The following MLLT3 variants were observed in gnomAD, a reference collection of about 807,000 sequenced individuals.
MLLT3 encodes MLLT3 super elongation complex subunit.
MLLT3 carries 4 observed loss-of-function variants against 53.2 expected under a neutral mutation model. The ratio of observed to expected loss-of-function variants is 0.08; its 90% CI spans 0.04 to 0.17. MLLT3 has a LOEUF of 0.17. MLLT3 is among the 10% of genes least tolerant of loss of function. The pLI, the probability that MLLT3 is intolerant of heterozygous loss-of-function variation, is 1.00. For synonymous variants in MLLT3, 283 were observed against 230.6 expected, an observed-to-expected ratio of 1.23 and a Z score of -2.06; for missense variants, 569 against 684.0, an observed-to-expected ratio of 0.83 and a Z score of 1.87.
In MLLT3 at chr9:20,555,737, C is replaced by T. The variant is rs534141983; in HGVS notation, c.193+64917G>A. Among the ~76,000 whole-genome samples, 27 of 152,306 alleles carry T rather than the reference C, an allele frequency of 1.8e-4. 1 individual carries two copies. Among genetic ancestry groups the T allele is most frequent in the Non-Finnish European group, 3.1e-4 (21 of 68,020 alleles). ...AGGCACACTGCCCACGATTATAAAA[C>T]CTCCCAGGCAACAAGGAGGAGACCC... On this transcript the variant is annotated intron_variant, in intron 2 of 10. Transcript: ENST00000380338.
At chr9:20,431,213 T>C (rs1175204981) in intron 4 of MLLT3, among the ~76,000 whole-genome samples, 1 of 152,136 alleles carries the variant, frequency 6.6e-6, no homozygotes, top group African/African-American at 2.4e-5. Context: ...TAAGACAGCA[T>C]TTCTCTGAAT....
rs1302543640 is a variant in MLLT3, at chr9:20,620,875, A to G, written c.13-41T>C. The G allele has an allele frequency of 2.4e-5, 39 of 1,602,786 alleles. No homozygotes were observed. Among genetic ancestry groups the G allele is most frequent in the Non-Finnish European group, 3.3e-5 (39 of 1,172,642 alleles). ...GGAGAGACAGCCGTGAATAACAGGA[A>G]GGCGAGGTTTCGGCAGTGAACGTTG... is the stretch of plus-strand genomic sequence containing the variant. On this transcript the variant is annotated intron_variant, in intron 1 of 10. Transcript: ENST00000380338. This position sits in a 1 kb window ranked among gnomAD's most constrained non-coding sequence, Gnocchi z 6.1.
intron 2 of MLLT3, among the ~76,000 whole-genome samples, chr9:20,567,562 G>A (rs1212780213): frequency 2.0e-5 from 3 of 152,008 alleles, no homozygotes; most frequent in African/African-American, 7.2e-5. Context: ...TATCATCACA[G>A]TTCTCCTTTT....
chr9:20,530,367 T>C (rs575897504), intron 2 of MLLT3, among the ~76,000 whole-genome samples: 1 of 152,354 alleles, frequency 6.6e-6, no homozygotes, highest in African/African-American at 2.4e-5. Flanking sequence ...AATCTTTGAT[T>C]TAACATACGT....
intron 2 of MLLT3, among the ~76,000 whole-genome samples, chr9:20,495,067 A>G (rs1211691786): frequency 2.0e-5 from 3 of 152,160 alleles, no homozygotes; most frequent in African/African-American, 7.2e-5. Context: ...TTCCTGCCAA[A>G]CTACAAGCAA....
chr9:20,476,029 A>G (rs1824513027), intron 2 of MLLT3, among the ~76,000 whole-genome samples: 2 of 152,086 alleles, frequency 1.3e-5, no homozygotes, highest in Admixed American at 1.3e-4. Flanking sequence ...AAAAACAGGA[A>G]AATTATTGTC....
At position 20,613,878 on chromosome 9, in the gene MLLT3, T is replaced by A. The variant is rs568531987; in HGVS notation, c.193+6776A>T. Among the ~76,000 whole-genome samples the A allele has an allele frequency of 2.9e-3, 438 of 152,146 alleles. 1 individual carries two copies. The highest frequency in any genetic ancestry group is 4.8e-3 in the Non-Finnish European group (323 of 67,984). ...CTGTATACCTTTTGACTCCACAACC[T>A]CCCTTCTAGAAATTTAACATAAACA... On this transcript the variant is annotated intron_variant, in intron 2 of 10. Coordinates refer to ENST00000380338, the MANE Select transcript of MLLT3 (RefSeq NM_004529.4).
At chr9:20,442,930 A>C (rs1383124043) in intron 4 of MLLT3, among the ~76,000 whole-genome samples, 1 of 152,160 alleles carries the variant, frequency 6.6e-6, no homozygotes, top group Non-Finnish European at 1.5e-5. Context: ...TGTCCTACTG[A>C]AACAGGTGGT....
intron 5 of MLLT3, among the ~76,000 whole-genome samples, chr9:20,400,747 A>C (rs74390148): frequency 4.0e-4 from 61 of 152,186 alleles, no homozygotes; most frequent in African/African-American, 1.2e-3. Context: ...GAAAAAAAAA[A>C]CATGTTAAAG....
intron 2 of MLLT3, among the ~76,000 whole-genome samples, chr9:20,592,733 A>G (rs112893269): frequency 0.022 from 3,327 of 152,276 alleles, 45 homozygotes; most frequent in Non-Finnish European, 0.032. Flanking sequence ...AATACTCACA[A>G]GCAAAGAGAA....
chr9:20,470,560 A>G (rs560450626), intron 2 of MLLT3, among the ~76,000 whole-genome samples: 7 of 152,168 alleles, frequency 4.6e-5, no homozygotes, highest in African/African-American at 1.7e-4. Context: ...AATCAACCAG[A>G]AAGACTACCA....
intron 2 of MLLT3, among the ~76,000 whole-genome samples, chr9:20,542,396 G>A (rs923103221): frequency 2.0e-5 from 3 of 152,052 alleles, no homozygotes; most frequent in Middle Eastern, 3.4e-3. Context: ...GACTACAGGC[G>A]CCCGCCACCG....
chr9:20,405,937 T>C (rs142310507), intron 5 of MLLT3, among the ~76,000 whole-genome samples: 2,186 of 151,582 alleles, frequency 0.014, 49 homozygotes, highest in African/African-American at 0.049. Context: ...CATGGTGAAA[T>C]CCCGCCTCTA....
intron 4 of MLLT3, among the ~76,000 whole-genome samples, chr9:20,433,510 A>C (rs1823329449): frequency 6.6e-6 from 1 of 152,184 alleles, no homozygotes; most frequent in Non-Finnish European, 1.5e-5. Context: ...AGAAGCCTGG[A>C]GGATGCCATT....
At chr9:20,354,233 G>C (rs1024495697) in intron 9 of MLLT3, among the ~76,000 whole-genome samples, 10 of 152,256 alleles carry the variant, frequency 6.6e-5, no homozygotes, top group East Asian at 1.9e-4. Flanking sequence ...TGAAAGGGGA[G>C]AGGGGGTACC....
rs144076333 is a variant in MLLT3, at chr9:20,371,917, T to C, written c.1126-6173A>G. 2.7e-3 allele frequency among the ~76,000 whole-genome samples: 406 copies of C among 152,358 alleles called. 2 individuals are homozygous for C. Among genetic ancestry groups the C allele is most frequent in the African/African-American group, 9.3e-3 (386 of 41,586 alleles). ...GGATTCACCATTCTAGATGCCATTA[T>C]GAACATTCATGATTCACAAGAGAAG... On this transcript the variant is annotated intron_variant, in intron 5 of 10. Coordinates refer to ENST00000380338, the MANE Select transcript of MLLT3 (RefSeq NM_004529.4).
At position 20,621,071 on chromosome 9, in the gene MLLT3, G is replaced by C. The variant is rs1288836843; in HGVS notation, c.13-237C>G. The stretch of plus-strand genomic sequence containing the variant: ...CCGGGCCCCGCATCTACATCGGACA[G>C]GATTGTAACGGAATGTTATCCCCAG... On this transcript the variant is annotated intron_variant, in intron 1 of 10. Coordinates refer to ENST00000380338, the MANE Select transcript of MLLT3 (RefSeq NM_004529.4). This position sits in a 1 kb window ranked among gnomAD's most constrained non-coding sequence, Gnocchi z 7.0. 7 of 653,492 alleles carry C rather than the reference G, an allele frequency of 1.1e-5. No individual in the cohort carries two copies. Among genetic ancestry groups the C allele is most frequent in the Non-Finnish European group, 1.7e-5 (6 of 361,480 alleles). The allele number at this position is 653,492 out of a possible 1,614,324, so 40.5% of individuals were successfully genotyped here.
intron 3 of MLLT3, among the ~76,000 whole-genome samples, chr9:20,455,396 A>T (rs1454384989): frequency 6.6e-6 from 1 of 152,216 alleles, no homozygotes; most frequent in South Asian, 2.1e-4. Context: ...AGTGGAAGGG[A>T]TTGCACATTA....
chr9:20,406,347 C>G lies in MLLT3; in HGVS notation c.1125+7374G>C, dbSNP rs527431917. Among the ~76,000 whole-genome samples the G allele has an allele frequency of 1.1e-3, 172 of 152,298 alleles. 6 individuals carry two copies. In the South Asian group the frequency reaches 0.035, roughly 31 times the overall value. ...AGCTCAAATTCTAACTTTGTACTAT[C>G]TGGACCACCTCATGCAGTGACCGTA... On this transcript the variant is annotated intron_variant, in intron 5 of 10. Transcript: ENST00000380338.
Sources: gnomAD v4.1 joint callset for allele counts (sites outside exome capture counted in the v4.1 genomes callset) on GRCh38, gnomAD v4.1.1 for gene constraint, Gnocchi (gnomAD v3.1) non-coding constraint, MANE v1.5 for transcripts, NCBI Gene and HGNC (gene_info 2026-07-23, HGNC 2026-07-21) for gene names.